Variants in SORCS3 observed in about 807,000 individuals in gnomAD.
SORCS3 encodes VPS10 domain-containing receptor SorCS3.
In SORCS3, 57 loss-of-function variants were observed where a neutral mutation model predicts 146.3. That is an observed-to-expected ratio of 0.39 (90% CI 0.31 to 0.49). SORCS3 has a LOEUF of 0.49. Among genes scored for constraint, SORCS3 ranks in the 20% least tolerant of loss-of-function variants. SORCS3 has a pLI of 0.92. For missense variants in SORCS3, 1,341 were observed against 1,575.5 expected (o/e 0.85, Z 2.52); for synonymous variants, 653 against 618.5 (o/e 1.06, Z -0.83).
chr10:104,976,040 A>G (rs549288984), intron 3 of SORCS3, among the ~76,000 whole-genome samples: 94 of 152,322 alleles, frequency 6.2e-4, no homozygotes, highest in Admixed American at 1.6e-3. Context: ...GCAATGGAAC[A>G]AAAGCCAAAA....
intron 12 of SORCS3, among the ~76,000 whole-genome samples, chr10:105,165,924 T>G (rs2056309139): frequency 6.6e-6 from 1 of 152,090 alleles, no homozygotes; most frequent in Non-Finnish European, 1.5e-5. Context: ...AACTTCTCCC[T>G]CCTCCCCAGT....
At chr10:104,653,019 G>GA in intron 1 of SORCS3, among the ~76,000 whole-genome samples, 1 of 152,314 alleles carries the variant, frequency 6.6e-6, no homozygotes, top group East Asian at 1.9e-4. Context: ...CACAGTGAAT[G>GA]AAAATTAATG....
At chr10:104,751,690 A>G (rs1000186275) in intron 1 of SORCS3, among the ~76,000 whole-genome samples, 1 of 151,842 alleles carries the variant, frequency 6.6e-6, no homozygotes, top group Non-Finnish European at 1.5e-5. Context: ...CCTTTCATTC[A>G]TGACATTCTG....
At chr10:104,983,389 A>C (rs1024199511) in intron 4 of SORCS3, among the ~76,000 whole-genome samples, 1 of 152,140 alleles carries the variant, frequency 6.6e-6, no homozygotes, top group Non-Finnish European at 1.5e-5. Context: ...AACCTGATAC[A>C]TTTATTAGAG....
At position 104,878,282 on chromosome 10, in the gene SORCS3, CA is replaced by C. The variant is rs145654113; in HGVS notation, c.695+35425del. Among the ~76,000 whole-genome samples the C allele has an allele frequency of 6.5e-4, 99 of 152,030 alleles. 2 individuals carry two copies. The East Asian group carries it at 0.018, about 28-fold the overall frequency. On this transcript the variant is annotated intron_variant, in intron 2 of 26. Transcript: ENST00000369701. Reference sequence around the variant, plus strand: ...GTTGACATGCTTATAGGGAAGCAGACAACAAGCAATGGGATAAATTAATAAA... The same window carrying C: ...GTTGACATGCTTATAGGGAAGCAGACACAAGCAATGGGATAAATTAATAAA...
At chr10:104,871,763 T>TAA (rs2018521169) in intron 2 of SORCS3, among the ~76,000 whole-genome samples, 1 of 152,138 alleles carries the variant, frequency 6.6e-6, no homozygotes, top group Non-Finnish European at 1.5e-5. Flanking sequence ...AGACACAACT[T>TAA]AAAGGTGATC....
At chr10:105,150,484 C>G (rs1187132384) in intron 9 of SORCS3, among the ~76,000 whole-genome samples, 1 of 152,110 alleles carries the variant, frequency 6.6e-6, no homozygotes, top group African/African-American at 2.4e-5. Flanking sequence ...CGTTACCACT[C>G]TGACTGTCAG....
intron 3 of SORCS3, among the ~76,000 whole-genome samples, chr10:104,974,995 C>A (rs1301044658): frequency 1.3e-5 from 2 of 152,074 alleles, no homozygotes; most frequent in Admixed American, 6.6e-5. Flanking sequence ...GTTGAAAATT[C>A]TTTTCTTTAA....
intron 3 of SORCS3, among the ~76,000 whole-genome samples, chr10:104,928,424 C>T (rs948363059): frequency 6.6e-5 from 10 of 152,186 alleles, no homozygotes; most frequent in Admixed American, 6.5e-4. Flanking sequence ...ATGTGTTCTT[C>T]CTCATGTTCC....
intron 1 of SORCS3, among the ~76,000 whole-genome samples, chr10:104,742,989 CT>C (rs2016867335): frequency 6.6e-6 from 1 of 152,150 alleles, no homozygotes. Flanking sequence ...ATTAATAATT[CT>C]TGAAATCAGA....
At chr10:105,227,975 TGTG>T (rs924946161) in intron 20 of SORCS3, among the ~76,000 whole-genome samples, 8 of 147,706 alleles carry the variant, frequency 5.4e-5, no homozygotes, top group African/African-American at 2.5e-5. Flanking sequence ...GGCAGCATAT[TGTG>T]GTCATTTTGT....
At chr10:105,125,913 ACATAT>A (rs1238632875) in intron 7 of SORCS3, among the ~76,000 whole-genome samples, 2 of 152,096 alleles carry the variant, frequency 1.3e-5, no homozygotes, top group East Asian at 3.9e-4. Context: ...TGTCCCAAAG[ACATAT>A]CATAACCAAT....
At chr10:104,868,344 C>G (rs1444033078) in intron 2 of SORCS3, among the ~76,000 whole-genome samples, 1 of 152,218 alleles carries the variant, frequency 6.6e-6, no homozygotes, top group Non-Finnish European at 1.5e-5. Flanking sequence ...AACCCCTGAG[C>G]AATGCATGAT....
At chr10:104,652,434 A>C (rs2015574410) in intron 1 of SORCS3, among the ~76,000 whole-genome samples, 1 of 152,222 alleles carries the variant, frequency 6.6e-6, no homozygotes, top group Non-Finnish European at 1.5e-5. Context: ...CAGTTAAAAA[A>C]TGAGATGGTG....
intron 1 of SORCS3, among the ~76,000 whole-genome samples, chr10:104,752,802 A>T (rs1409746239): frequency 6.6e-6 from 1 of 152,166 alleles, no homozygotes; most frequent in African/African-American, 2.4e-5. Flanking sequence ...TGAGGTTCTG[A>T]TAGTTACTAT....
chr10:104,880,303 TG>T lies in SORCS3; in HGVS notation c.696-35528del, dbSNP rs561649991. Reference sequence around the variant, plus strand: ...AAATAGAAATACAGAGAAAAACTATTGGACAGCAAAGTTTCCCTTCCCTCCT... The same window carrying T: ...AAATAGAAATACAGAGAAAAACTATTGACAGCAAAGTTTCCCTTCCCTCCT... On this transcript the variant is annotated intron_variant, in intron 2 of 26. Transcript: ENST00000369701. 3.3e-3 allele frequency among the ~76,000 whole-genome samples: 505 copies of T among 152,324 alleles called. 2 individuals carry two copies. The highest frequency in any genetic ancestry group is 0.018 in the South Asian group (85 of 4,822).
At chr10:105,220,006 C>A (rs1056514180) in intron 19 of SORCS3, among the ~76,000 whole-genome samples, 1 of 152,206 alleles carries the variant, frequency 6.6e-6, no homozygotes, top group African/African-American at 2.4e-5. Context: ...CTGCTCTTGG[C>A]CTTACCCTGG....
At chr10:104,856,341 T>C (rs963290695) in intron 2 of SORCS3, among the ~76,000 whole-genome samples, 1 of 150,548 alleles carries the variant, frequency 6.6e-6, no homozygotes, top group Non-Finnish European at 1.5e-5. Context: ...TAGAGGTATA[T>C]ATTTATATAT....
At chr10:105,237,202 A>C (rs2056797659) in intron 20 of SORCS3, among the ~76,000 whole-genome samples, 1 of 152,168 alleles carries the variant, frequency 6.6e-6, no homozygotes, top group Admixed American at 6.5e-5. Context: ...GAGTGGTTGC[A>C]GAACAAGACA....
Sources: gnomAD v4.1 joint callset for allele counts (sites outside exome capture counted in the v4.1 genomes callset) on GRCh38, gnomAD v4.1.1 for gene constraint, MANE v1.5 for transcripts, NCBI Gene and HGNC (gene_info 2026-07-23, HGNC 2026-07-21) for gene names.